XKR9: variants seen among roughly 807,000 people sequenced by gnomAD.
XKR9 encodes the protein XK related 9.
XKR9 carries 32 observed loss-of-function variants against 32.0 expected under a neutral mutation model. The ratio of observed to expected loss-of-function variants is 1.00; its 90% CI spans 0.76 to 1.34. The LOEUF (loss-of-function observed/expected upper bound fraction) is 1.34. Ranked by LOEUF, XKR9 falls within the 40% of genes most tolerant of loss-of-function variation. XKR9 has a pLI of 0.00. For missense variants in XKR9, 546 were observed against 429.7 expected (o/e 1.27, Z -2.39); for synonymous variants, 168 against 143.4 (o/e 1.17, Z -1.22).
the XKR9 span, among the ~76,000 whole-genome samples, chr8:70,819,358 A>G: frequency 3.3e-5 from 5 of 152,258 alleles, no homozygotes; most frequent in Admixed American, 1.3e-4. Context: ...TGCGTAAAAG[A>G]GAATCATACC....
At chr8:70,827,110 T>G in the XKR9 span, among the ~76,000 whole-genome samples, 1 of 152,132 alleles carries the variant, frequency 6.6e-6, no homozygotes, top group African/African-American at 2.4e-5. Flanking sequence ...TGAAGTCACT[T>G]GAGAACTGCC....
intron 2 of XKR9, among the ~76,000 whole-genome samples, chr8:70,748,683 C>A (rs373835059): frequency 1.3e-4 from 20 of 152,276 alleles, no homozygotes; most frequent in African/African-American, 4.8e-4. Context: ...GGGCAGGTTC[C>A]CAGTGAAGCC....
At chr8:71,027,728 T>C in the XKR9 span, among the ~76,000 whole-genome samples, 3 of 149,866 alleles carry the variant, frequency 2.0e-5, no homozygotes, top group Non-Finnish European at 4.4e-5. Flanking sequence ...TGTGGTTTCA[T>C]ATACATTTAA....
intron 2 of XKR9, among the ~76,000 whole-genome samples, chr8:70,768,869 C>T (rs1345249152): frequency 6.6e-6 from 1 of 151,746 alleles, no homozygotes; most frequent in Non-Finnish European, 1.5e-5. Flanking sequence ...ACCGATGGGT[C>T]TTGACTCTAT....
At chr8:70,897,757 A>G in the XKR9 span, among the ~76,000 whole-genome samples, 1 of 152,080 alleles carries the variant, frequency 6.6e-6, no homozygotes, top group Non-Finnish European at 1.5e-5. Context: ...TGTTTGAGCT[A>G]TTCTGGTTAT....
At chr8:71,032,549 G>A in the XKR9 span, among the ~76,000 whole-genome samples, 1 of 152,096 alleles carries the variant, frequency 6.6e-6, no homozygotes, top group Admixed American at 6.5e-5. Flanking sequence ...ACACCATATA[G>A]TAGAGATTCC....
chr8:70,856,575 G>T, the XKR9 span, among the ~76,000 whole-genome samples: 1 of 152,180 alleles, frequency 6.6e-6, no homozygotes, highest in African/African-American at 2.4e-5. Flanking sequence ...GAGACAGAAA[G>T]TTAACAAAGA....
chr8:70,680,569 G>A lies in XKR9; in HGVS notation c.-278-212G>A, dbSNP rs535992146. Among the ~76,000 whole-genome samples the A allele has an allele frequency of 1.3e-4, 20 of 152,116 alleles. 1 individual carries two copies. The South Asian group carries it at 2.9e-3, about 22-fold the overall frequency. On this transcript the variant is annotated intron_variant, in intron 2 of 4. Transcript: ENST00000408926. ...ATAGTCGTGTGATAAATTTCTTTGT[G>A]GGTAGGTCATATTTTTAAAAGATAA...
the XKR9 span, among the ~76,000 whole-genome samples, chr8:70,961,880 T>TC: frequency 6.6e-6 from 1 of 152,182 alleles, no homozygotes; most frequent in Non-Finnish European, 1.5e-5. Flanking sequence ...CCACTTAACT[T>TC]TAAAAAAAAT....
At chr8:70,933,862 C>T in the XKR9 span, among the ~76,000 whole-genome samples, 1 of 152,048 alleles carries the variant, frequency 6.6e-6, no homozygotes, top group Non-Finnish European at 1.5e-5. Flanking sequence ...ATATCAGGAA[C>T]TACCATTTAT....
Position 70,715,782 on chromosome 8 carries a change from A to G in XKR9, c.493+8629A>G, listed in dbSNP as rs1425952906. Among the ~76,000 whole-genome samples, 5 of 152,318 alleles carry G rather than the reference A, an allele frequency of 3.3e-5. No individual in the cohort carries two copies. In the South Asian group the frequency reaches 1.0e-3, roughly 32 times the overall value. ...ATGAAATTTTTAACCTTAACAGTGA[A>G]ATTAAAACAGAACAGTAAGTTTAAG... On this transcript the variant is annotated intron_variant, in intron 4 of 4. Coordinates refer to ENST00000408926, the MANE Select transcript of XKR9 (RefSeq NM_001011720.2).
the XKR9 span, among the ~76,000 whole-genome samples, chr8:70,828,788 G>T: frequency 1.3e-5 from 2 of 151,604 alleles, no homozygotes; most frequent in Non-Finnish European, 2.9e-5. Context: ...GAAAGCAGAG[G>T]CTTTCACAAA....
At chr8:70,885,339 T>C in the XKR9 span, among the ~76,000 whole-genome samples, 2 of 152,162 alleles carry the variant, frequency 1.3e-5, no homozygotes, top group Non-Finnish European at 2.9e-5. Flanking sequence ...GGTTGATTGA[T>C]TTTCTGTTGA....
the XKR9 span, among the ~76,000 whole-genome samples, chr8:70,985,437 C>G: frequency 1.2e-4 from 18 of 152,290 alleles, no homozygotes; most frequent in East Asian, 3.3e-3. Flanking sequence ...TGGTTCCAAT[C>G]TTTGCTATTA....
At chr8:70,961,489 A>G in the XKR9 span, among the ~76,000 whole-genome samples, 1 of 152,166 alleles carries the variant, frequency 6.6e-6, no homozygotes, top group Admixed American at 6.5e-5. Flanking sequence ...GTTGCACTCT[A>G]TGACCTCTAT....
chr8:71,010,813 T>A, the XKR9 span, among the ~76,000 whole-genome samples: 2 of 152,068 alleles, frequency 1.3e-5, no homozygotes, highest in African/African-American at 4.8e-5. Flanking sequence ...CATATTTGAG[T>A]CTGAAAAGCA....
the XKR9 span, among the ~76,000 whole-genome samples, chr8:71,041,962 G>A: frequency 1.3e-5 from 2 of 152,124 alleles, no homozygotes; most frequent in African/African-American, 4.8e-5. Context: ...CTTCTCTGGG[G>A]AGGAAACTCC....
chr8:70,855,507 T>TA, the XKR9 span, among the ~76,000 whole-genome samples: 1 of 152,186 alleles, frequency 6.6e-6, no homozygotes, highest in South Asian at 2.1e-4. Flanking sequence ...CTGATTGGTT[T>TA]ACCTGAAAGT....
At chr8:70,872,181 G>T in the XKR9 span, among the ~76,000 whole-genome samples, 2 of 152,166 alleles carry the variant, frequency 1.3e-5, no homozygotes, top group African/African-American at 4.8e-5. Flanking sequence ...ATACTCCAGT[G>T]AACACACAAA....
Sources: gnomAD v4.1 joint callset for allele counts (sites outside exome capture counted in the v4.1 genomes callset) on GRCh38, gnomAD v4.1.1 for gene constraint, MANE v1.5 for transcripts, NCBI Gene and HGNC (gene_info 2026-07-23, HGNC 2026-07-21) for gene names.